The following DLG2 variants were observed in gnomAD, a reference collection of about 807,000 sequenced individuals.
The protein encoded by DLG2 is discs large MAGUK scaffold protein 2.
Under a neutral mutation model 132.5 loss-of-function variants are expected in DLG2, and 45 were observed. The ratio of observed to expected loss-of-function variants is 0.34; its 90% CI spans 0.27 to 0.44. The LOEUF is 0.44. Among genes scored for constraint, DLG2 ranks in the 20% least tolerant of loss-of-function variants. DLG2 has a pLI of 1.00. For missense variants in DLG2, 1,045 were observed against 1,196.9 expected, an observed-to-expected ratio of 0.87 and a Z score of 1.87; for synonymous variants, 424 against 419.6, an observed-to-expected ratio of 1.01 and a Z score of -0.13.
rs188781601 is a variant in DLG2, at chr11:84,888,302, G to T, written c.357+223359C>A. Among the ~76,000 whole-genome samples, 8 of 152,188 alleles carry T rather than the reference G, an allele frequency of 5.3e-5. No individual in the cohort carries two copies. In the East Asian group the frequency reaches 1.5e-3, roughly 29 times the overall value. ...ACAGGTATTATCCAATCGATTCAGG[G>T]TCTCAATAAAACAAAAAGGCAAAGG... On this transcript the variant is annotated intron_variant, in intron 6 of 27. Coordinates refer to ENST00000376104, the MANE Select transcript of DLG2 (RefSeq NM_001142699.3).
At chr11:85,052,257 C>T (rs866448114) in intron 6 of DLG2, among the ~76,000 whole-genome samples, 2 of 152,106 alleles carry the variant, frequency 1.3e-5, no homozygotes, top group Non-Finnish European at 2.9e-5. Flanking sequence ...CAAACATCAT[C>T]GTTGGGAGTT....
intron 4 of DLG2, among the ~76,000 whole-genome samples, chr11:85,256,828 AATACTTTCG>A (rs2076694502): frequency 6.6e-6 from 1 of 152,204 alleles, no homozygotes; most frequent in Non-Finnish European, 1.5e-5. Context: ...CATTGTTATC[AATACTTTCG>A]ATACTATTAT....
chr11:85,283,906 G>A (rs1443705237), intron 4 of DLG2, among the ~76,000 whole-genome samples: 2 of 150,124 alleles, frequency 1.3e-5, no homozygotes, highest in African/African-American at 4.9e-5. Context: ...AAAAAGCAAT[G>A]GCTTATACAC....
intron 3 of DLG2, among the ~76,000 whole-genome samples, chr11:85,426,037 T>C (rs1031707550): frequency 5.3e-5 from 8 of 152,210 alleles, no homozygotes; most frequent in Non-Finnish European, 8.8e-5. Context: ...GCCTTGTTCA[T>C]TGCTAGCGCA....
intron 7 of DLG2, among the ~76,000 whole-genome samples, chr11:84,381,905 T>A (rs564332968): frequency 6.6e-6 from 1 of 152,196 alleles, no homozygotes; most frequent in Non-Finnish European, 1.5e-5. Flanking sequence ...CCTGAAGGCA[T>A]AGGTTTCAGC....
chr11:84,110,081 C>T (rs1418403233), intron 9 of DLG2, among the ~76,000 whole-genome samples: 2 of 152,120 alleles, frequency 1.3e-5, no homozygotes, highest in Non-Finnish European at 2.9e-5. Flanking sequence ...CCTTCTCATG[C>T]AAGGATGTGC....
intron 16 of DLG2, among the ~76,000 whole-genome samples, chr11:83,857,933 T>C (rs1040158622): frequency 6.6e-6 from 1 of 152,098 alleles, no homozygotes; most frequent in African/African-American, 2.4e-5. Flanking sequence ...GGTAAAATAG[T>C]AGGCACAAAG....
At chr11:85,165,214 G>A (rs1250226253) in intron 4 of DLG2, among the ~76,000 whole-genome samples, 1 of 152,178 alleles carries the variant, frequency 6.6e-6, no homozygotes, top group Non-Finnish European at 1.5e-5. Context: ...GTTGCCAGAT[G>A]TTTAAAACTA....
rs1485450554 is a variant in DLG2, at chr11:83,906,348, C to T, written c.1496+23980G>A. Among the ~76,000 whole-genome samples, 13 of 148,786 alleles carry T rather than the reference C, an allele frequency of 8.7e-5. No individual in the cohort carries two copies. The Admixed American group carries it at 8.8e-4, about 10-fold the overall frequency. ...CGGCCTCCCAAAGTGCTGGGATTAC[C>T]AGCACCAGCCACCACACCTGGCCAA... On this transcript the variant is annotated intron_variant, in intron 15 of 27. Coordinates refer to ENST00000376104, the MANE Select transcript of DLG2 (RefSeq NM_001142699.3).
chr11:83,971,831 C>T (rs2091403580), intron 12 of DLG2, among the ~76,000 whole-genome samples: 1 of 152,044 alleles, frequency 6.6e-6, no homozygotes, highest in African/African-American at 2.4e-5. Flanking sequence ...CTCCATAGTA[C>T]TCTGAAATTA....
In DLG2 at chr11:84,907,600, T is replaced by A. The variant is rs148505184; in HGVS notation, c.357+204061A>T. Among the ~76,000 whole-genome samples the A allele has an allele frequency of 9.9e-4, 150 of 152,168 alleles. 1 individual carries two copies. The highest frequency in any genetic ancestry group is 3.5e-3 in the African/African-American group (146 of 41,532). ...TATGTAAAGAAGGAAGAATAGAAAT[T>A]AACTAATTTTGCCTGGGATAGGAGG... On this transcript the variant is annotated intron_variant, in intron 6 of 27. Transcript: ENST00000376104.
chr11:84,492,707 A>T (rs935478664), intron 7 of DLG2, among the ~76,000 whole-genome samples: 1 of 152,118 alleles, frequency 6.6e-6, no homozygotes, highest in Non-Finnish European at 1.5e-5. Flanking sequence ...CCTCATCATC[A>T]TCCTAACCAC....
chr11:84,054,307 A>T (rs2096459304), intron 11 of DLG2, among the ~76,000 whole-genome samples: 1 of 152,050 alleles, frequency 6.6e-6, no homozygotes, highest in South Asian at 2.1e-4. Context: ...TGCGAAAGTC[A>T]CTAGGAAGCC....
Position 84,338,828 on chromosome 11 carries a change from T to A in DLG2, c.520-87537A>T, listed in dbSNP as rs1600178474. 2.0e-5 allele frequency among the ~76,000 whole-genome samples: 3 copies of A among 152,010 alleles called. No homozygotes were observed. The South Asian group carries it at 6.2e-4, about 32-fold the overall frequency. The stretch of plus-strand genomic sequence containing the variant: ...CTCAAAATAACAATAATAATAATAA[T>A]AAAATAAAGTGGTAATACATACTTT... On this transcript the variant is annotated intron_variant, in intron 7 of 27. Coordinates refer to ENST00000376104, the MANE Select transcript of DLG2 (RefSeq NM_001142699.3).
At chr11:83,590,668 C>A (rs1299526365) in intron 19 of DLG2, among the ~76,000 whole-genome samples, 1 of 152,070 alleles carries the variant, frequency 6.6e-6, no homozygotes. Flanking sequence ...AATAGAGACA[C>A]CAAAAACCCT....
intron 19 of DLG2, among the ~76,000 whole-genome samples, chr11:83,561,998 C>G (rs1199418350): frequency 3.4e-5 from 5 of 145,654 alleles, no homozygotes; most frequent in African/African-American, 1.3e-4. Flanking sequence ...AAGCAATTCT[C>G]CTGCTTCAGC....
rs192310605 is a variant in DLG2 at position 83,854,333 on chromosome 11, C to A, written c.1565+20087G>T. Among the ~76,000 whole-genome samples the A allele has an allele frequency of 9.4e-3, 1,434 of 152,172 alleles. 20 individuals are homozygous for A. The highest frequency in any genetic ancestry group is 0.033 in the African/African-American group (1,360 of 41,534). ...ACTTAATTTGTAGATTTAGTGCAAT[C>A]CCAATCAAAATCCTAGCAAGTTATT... is the stretch of plus-strand genomic sequence containing the variant. On this transcript the variant is annotated intron_variant, in intron 16 of 27. Transcript: ENST00000376104.
intron 19 of DLG2, among the ~76,000 whole-genome samples, chr11:83,597,011 T>C (rs1313087823): frequency 6.6e-6 from 1 of 152,164 alleles, no homozygotes; most frequent in Admixed American, 6.6e-5. Context: ...TTTTCTTCAC[T>C]GAGACAGTGA....
intron 6 of DLG2, among the ~76,000 whole-genome samples, chr11:85,087,335 C>T (rs1240599381): frequency 1.3e-5 from 2 of 152,122 alleles, no homozygotes; most frequent in Non-Finnish European, 2.9e-5. Context: ...GATAGAGAAG[C>T]CATCTCTAAA....
Sources: gnomAD v4.1 joint callset for allele counts (sites outside exome capture counted in the v4.1 genomes callset) on GRCh38, gnomAD v4.1.1 for gene constraint, MANE v1.5 for transcripts, NCBI Gene and HGNC (gene_info 2026-07-23, HGNC 2026-07-21) for gene names.